The following MLLT3 variants were observed in gnomAD, a reference collection of about 807,000 sequenced individuals.
MLLT3 encodes the protein MLLT3 super elongation complex subunit.
A neutral mutation model predicts 53.2 loss-of-function variants in MLLT3; 4 were observed. That is an observed-to-expected ratio of 0.08 (90% confidence interval 0.04 to 0.17). The LOEUF is 0.17. Among genes scored for constraint, MLLT3 ranks in the 10% least tolerant of loss-of-function variants. MLLT3 has a pLI of 1.00. For synonymous variants in MLLT3, 283 were observed against 230.6 expected, an observed-to-expected ratio of 1.23 and a Z score of -2.06; for missense variants, 569 against 684.0, an observed-to-expected ratio of 0.83 and a Z score of 1.87.
intron 2 of MLLT3, among the ~76,000 whole-genome samples, chr9:20,468,711 G>T (rs1270275025): frequency 6.6e-6 from 1 of 152,174 alleles, no homozygotes; most frequent in Non-Finnish European, 1.5e-5. Flanking sequence ...CACATAAGAA[G>T]CCAGCTTCCA....
chr9:20,597,562 T>A (rs988683642), intron 2 of MLLT3, among the ~76,000 whole-genome samples: 2 of 152,190 alleles, frequency 1.3e-5, no homozygotes, highest in African/African-American at 4.8e-5. Flanking sequence ...ATGAGGTTCA[T>A]CCCTCCTTCT....
intron 2 of MLLT3, among the ~76,000 whole-genome samples, chr9:20,501,691 C>T (rs1825233272): frequency 6.8e-6 from 1 of 147,346 alleles, no homozygotes; most frequent in Admixed American, 6.9e-5. Context: ...GCGGAGCTTG[C>T]CGTGAGCCGA....
At chr9:20,474,198 CA>C in intron 2 of MLLT3, among the ~76,000 whole-genome samples, 1 of 151,994 alleles carries the variant, frequency 6.6e-6, no homozygotes, top group Non-Finnish European at 1.5e-5. Context: ...CTGATTTGAA[CA>C]AAAGATTCTT....
chr9:20,437,569 G>A (rs1823437336), intron 4 of MLLT3, among the ~76,000 whole-genome samples: 2 of 152,052 alleles, frequency 1.3e-5, no homozygotes, highest in African/African-American at 2.4e-5. Context: ...TCAAGAGTAG[G>A]AACAGAAATC....
At chr9:20,360,065 A>G (rs1271499604) in intron 8 of MLLT3, among the ~76,000 whole-genome samples, 2 of 152,366 alleles carry the variant, frequency 1.3e-5, no homozygotes, top group South Asian at 2.1e-4. Flanking sequence ...TATCAAATTA[A>G]TAAGCTTTCC....
chr9:20,550,975 G>A (rs1818911223), intron 2 of MLLT3, among the ~76,000 whole-genome samples: 1 of 151,982 alleles, frequency 6.6e-6, no homozygotes, highest in African/African-American at 2.4e-5. Context: ...ACATTAACCA[G>A]GCTAGTCTCA....
chr9:20,510,894 C>T (rs909837337), intron 2 of MLLT3, among the ~76,000 whole-genome samples: 2 of 152,056 alleles, frequency 1.3e-5, no homozygotes, highest in African/African-American at 4.8e-5. Flanking sequence ...GCCATTACTG[C>T]TTAAAAGAAC....
In MLLT3 at chr9:20,484,508, T is replaced by C. The variant is rs567417092; in HGVS notation, c.194-27722A>G. On this transcript the variant is annotated intron_variant, in intron 2 of 10. Transcript: ENST00000380338. The stretch of plus-strand genomic sequence containing the variant: ...AGAAATATTTATATACTTTTGGCTT[T>C]TACTCCCTCAACCCTATGAGATGCA... 3.3e-5 allele frequency among the ~76,000 whole-genome samples: 5 copies of C among 152,274 alleles called. No individual in the cohort carries two copies. In the East Asian group the frequency reaches 9.6e-4, roughly 29 times the overall value.
intron 8 of MLLT3, among the ~76,000 whole-genome samples, chr9:20,356,481 T>C (rs575917899): frequency 6.6e-6 from 1 of 152,060 alleles, no homozygotes; most frequent in East Asian, 1.9e-4. Flanking sequence ...TAGGAGCAAG[T>C]AGGTCAGTAG....
chr9:20,461,013 T>C (rs1824094606), intron 2 of MLLT3, among the ~76,000 whole-genome samples: 1 of 152,118 alleles, frequency 6.6e-6, no homozygotes, highest in Non-Finnish European at 1.5e-5. Context: ...CAGCCGTAAA[T>C]AACCGCTCCC....
intron 5 of MLLT3, among the ~76,000 whole-genome samples, chr9:20,394,093 T>C (rs1427094338): frequency 2.6e-5 from 4 of 152,174 alleles, no homozygotes; most frequent in South Asian, 2.1e-4. Context: ...ATGACTCATA[T>C]GCAGTTTATA....
intron 2 of MLLT3, among the ~76,000 whole-genome samples, chr9:20,519,186 A>G (rs141413423): frequency 6.6e-6 from 1 of 152,226 alleles, no homozygotes; most frequent in Non-Finnish European, 1.5e-5. Context: ...CAAAAAAAAG[A>G]TATTAGTAGA....
chr9:20,498,227 CAAAAAAAAAAAAAAAAAAAAAAA>C lies in MLLT3; in HGVS notation c.194-41464_194-41442del, dbSNP rs529049653. Among the ~76,000 whole-genome samples the C allele has an allele frequency of 5.2e-4, 17 of 32,480 alleles. 1 individual carries two copies. The highest frequency in any genetic ancestry group is 8.0e-4 in the African/African-American group (10 of 12,484). The allele number at this position is 32,480 out of a possible 152,430, so 21.3% of individuals were successfully genotyped here. A position where few individuals can be genotyped will look rare whatever the true frequency, so the allele number is the denominator to read the frequency against. ...TAGGTGACAGAGCGAGACGCTGTCT[CAAAAAAAAAAAAAAAAAAAAAAA>C]AAAAAAAAAAAAAAAAGTTCTTCTA... On this transcript the variant is annotated intron_variant, in intron 2 of 10. Coordinates refer to ENST00000380338, the MANE Select transcript of MLLT3 (RefSeq NM_004529.4).
At chr9:20,584,582 A>T (rs993461503) in intron 2 of MLLT3, among the ~76,000 whole-genome samples, 1 of 152,238 alleles carries the variant, frequency 6.6e-6, no homozygotes, top group Non-Finnish European at 1.5e-5. Flanking sequence ...AAGGCACTTC[A>T]TACATGGCAG....
intron 10 of MLLT3, among the ~76,000 whole-genome samples, chr9:20,346,996 A>G (rs1055719379): frequency 7.2e-6 from 1 of 139,780 alleles, no homozygotes; most frequent in Non-Finnish European, 1.6e-5. Flanking sequence ...ACAAACACAT[A>G]CACACACACA....
chr9:20,421,048 G>A lies in MLLT3; in HGVS notation c.421-6623C>T, dbSNP rs1055509681. Among the ~76,000 whole-genome samples the A allele has an allele frequency of 1.1e-4, 16 of 152,176 alleles. 1 individual carries two copies. Among genetic ancestry groups the A allele is most frequent in the Admixed American group, 1.3e-4 (2 of 15,276 alleles). ...GGAGGCTGAGGCAGGTGGATCACTT[G>A]AGGTCAGGAGTTCAAGACCAGCTTA... On this transcript the variant is annotated intron_variant, in intron 4 of 10. Coordinates refer to ENST00000380338, the MANE Select transcript of MLLT3 (RefSeq NM_004529.4).
At chr9:20,560,715 T>C (rs1050365704) in intron 2 of MLLT3, among the ~76,000 whole-genome samples, 1 of 152,170 alleles carries the variant, frequency 6.6e-6, no homozygotes, top group Admixed American at 6.6e-5. Flanking sequence ...GGAGACAGCA[T>C]TCTATGCAGA....
At chr9:20,347,531 A>G (rs1820907411) in intron 10 of MLLT3, among the ~76,000 whole-genome samples, 1 of 152,218 alleles carries the variant, frequency 6.6e-6, no homozygotes, top group Non-Finnish European at 1.5e-5. Flanking sequence ...ACACTTCTGA[A>G]GTCTCAACAT....
chr9:20,573,306 A>G (rs1463236903), intron 2 of MLLT3, among the ~76,000 whole-genome samples: 1 of 151,882 alleles, frequency 6.6e-6, no homozygotes, highest in Non-Finnish European at 1.5e-5. Flanking sequence ...CGGCCCCACA[A>G]ATAGCTGGAA....
Sources: allele counts gnomAD v4.1 joint callset (sites outside exome capture counted in the v4.1 genomes callset), GRCh38; gene constraint gnomAD v4.1.1; transcripts MANE v1.5; gene names NCBI Gene and HGNC (gene_info 2026-07-23, HGNC 2026-07-21).